The following THSD4 variants were observed in gnomAD, a reference collection of about 807,000 sequenced individuals.
THSD4 encodes thrombospondin type 1 domain containing 4.
In THSD4, 69 loss-of-function variants were observed where a neutral mutation model predicts 119.0. The ratio of observed to expected loss-of-function variants is 0.58; its 90% CI spans 0.48 to 0.71. THSD4 has a LOEUF of 0.71. Among genes scored for constraint, THSD4 ranks in the 30% least tolerant of loss-of-function variants. The pLI is 0.00. For synonymous variants in THSD4, 524 were observed against 540.4 expected (o/e 0.97, Z 0.42); for missense variants, 1,393 against 1,391.1 (o/e 1.00, Z -0.02).
chr15:71,757,905 T>G lies in THSD4; in HGVS notation c.2419T>G (p.Ser807Ala). ...WFLTEWSERC[S>A]AECGAGVRTR... Reference sequence around the variant, plus strand: ...GTGCCCTTCCCCTGTCTCACAGTGCTCAGCGGAGTGTGGGGCCGGAGTGCG... The same window carrying G: ...GTGCCCTTCCCCTGTCTCACAGTGCGCAGCGGAGTGTGGGGCCGGAGTGCG... Residue 807 changes from serine to alanine, a missense_variant, in exon 15 of 18, where the codon TCA (serine) becomes GCA (alanine). Physicochemically the swap from Ser to Ala is moderately conservative, Grantham distance 99. Coordinates refer to ENST00000261862, the MANE Select transcript of THSD4 (RefSeq NM_024817.3). The G allele has an allele frequency of 6.2e-7, 1 of 1,613,494 alleles. No individual in the cohort carries two copies. Among genetic ancestry groups the G allele is most frequent in the Non-Finnish European group, 8.5e-7 (1 of 1,180,008 alleles).
intron 6 of THSD4, among the ~76,000 whole-genome samples, chr15:71,298,706 G>C (rs1309486296): frequency 6.6e-6 from 1 of 150,386 alleles, no homozygotes; most frequent in Non-Finnish European, 1.5e-5. Context: ...TCTGCCTCCT[G>C]GGTTCAAGCA....
Position 71,377,894 on chromosome 15 carries a change from A to C in THSD4, c.1016-33793A>C, listed in dbSNP as rs1305777777. 1.0e-3 allele frequency among the ~76,000 whole-genome samples: 123 copies of C among 118,672 alleles called. 1 individual carries two copies. The highest frequency in any genetic ancestry group is 4.5e-3 in the African/African-American group (113 of 25,274). 77.9% of individuals were successfully genotyped at this position (118,672 alleles called of 152,430 possible). A position where few individuals can be genotyped will look rare whatever the true frequency, so the allele number is the denominator to read the frequency against. On this transcript the variant is annotated intron_variant, in intron 6 of 17. Transcript: ENST00000261862. ...CACACACACACACACACACACACACACACACACACACACACACACAATTTC... is the reference window on the plus strand; with the variant it reads ...CACACACACACACACACACACACACCCACACACACACACACACACAATTTC...
intron 1 of THSD4, among the ~76,000 whole-genome samples, chr15:71,130,010 A>G (rs2040489033): frequency 6.6e-6 from 1 of 152,086 alleles, no homozygotes; most frequent in East Asian, 1.9e-4. Context: ...AATATCCTGG[A>G]CTCAAGGGCG....
Position 71,242,894 on chromosome 15 carries a change from C to T in THSD4, c.710C>T (p.Ala237Val). Residue 237 changes from alanine (A) to valine (V), a missense_variant, in exon 5 of 18, where the codon GCT becomes GTT. Coordinates refer to ENST00000261862, the MANE Select transcript of THSD4 (RefSeq NM_024817.3). ...AGTGGCCCTCGCTCTGGACTGCAGG[C>T]TGCGGAGGCCCCCATCTACCAGCTA... ...SDSGPRSGLQ[A>V]AEAPIYQLPL... is the part of the protein sequence containing the mutation. 1 of 1,614,198 alleles carries T rather than the reference C, an allele frequency of 6.2e-7. No homozygotes were observed. Among genetic ancestry groups the T allele is most frequent in the Non-Finnish European group, 8.5e-7 (1 of 1,180,028 alleles).
chr15:71,358,473 C>T (rs781235786), intron 6 of THSD4, among the ~76,000 whole-genome samples: 3 of 152,190 alleles, frequency 2.0e-5, no homozygotes, highest in Non-Finnish European at 4.4e-5. Flanking sequence ...GACCTGTCCT[C>T]ATAGTGTGAC....
intron 7 of THSD4, among the ~76,000 whole-genome samples, chr15:71,414,077 C>A (rs1183499140): frequency 6.6e-6 from 1 of 152,186 alleles, no homozygotes; most frequent in Non-Finnish European, 1.5e-5. Context: ...AGTCGGATTG[C>A]CTGGGTTCAA....
intron 8 of THSD4, among the ~76,000 whole-genome samples, chr15:71,683,142 G>C (rs1293994500): frequency 6.6e-6 from 1 of 151,540 alleles, no homozygotes; most frequent in Non-Finnish European, 1.5e-5. Context: ...GGCTGGCCTC[G>C]AACTCCTGGA....
intron 11 of THSD4, among the ~76,000 whole-genome samples, chr15:71,744,488 G>C (rs1005515080): frequency 4.6e-5 from 7 of 152,070 alleles, no homozygotes; most frequent in Non-Finnish European, 1.0e-4. Flanking sequence ...CTTGCCAAAG[G>C]GGGAGGCAGC....
intron 16 of THSD4, among the ~76,000 whole-genome samples, chr15:71,766,105 G>A (rs1595930869): frequency 2.0e-5 from 3 of 152,238 alleles, no homozygotes; most frequent in African/African-American, 7.2e-5. Flanking sequence ...GGGAAATAGT[G>A]TGTAAATGAA....
intron 7 of THSD4, among the ~76,000 whole-genome samples, chr15:71,479,136 A>C (rs1232653789): frequency 8.1e-6 from 1 of 123,644 alleles, no homozygotes; most frequent in Non-Finnish European, 1.6e-5. Context: ...GTAAATGCTG[A>C]TCACTTGTTC....
At chr15:71,107,588 G>C (rs1296148506) in intron 1 of THSD4, among the ~76,000 whole-genome samples, 2 of 152,066 alleles carry the variant, frequency 1.3e-5, no homozygotes, top group Non-Finnish European at 2.9e-5. Context: ...TCACAGGACT[G>C]GGTCAGGAGA....
intron 7 of THSD4, among the ~76,000 whole-genome samples, chr15:71,485,045 A>G (rs1019155304): frequency 1.3e-5 from 2 of 152,062 alleles, no homozygotes; most frequent in African/African-American, 2.4e-5. Flanking sequence ...CCCTTTCCCC[A>G]GCTCCTCTAG....
chr15:71,630,363 A>G (rs1002924087), intron 7 of THSD4, among the ~76,000 whole-genome samples: 2 of 152,150 alleles, frequency 1.3e-5, no homozygotes, highest in Non-Finnish European at 1.5e-5. Flanking sequence ...AGGGCTCAGT[A>G]TACTCTGAAA....
intron 7 of THSD4, among the ~76,000 whole-genome samples, chr15:71,632,074 G>C (rs1046367901): frequency 6.6e-6 from 1 of 152,180 alleles, no homozygotes; most frequent in Non-Finnish European, 1.5e-5. Context: ...CTATCTTATA[G>C]AGCTGGCAGA....
intron 6 of THSD4, among the ~76,000 whole-genome samples, chr15:71,341,885 C>CAAAA (rs2140390747): frequency 6.6e-6 from 1 of 152,132 alleles, no homozygotes; most frequent in South Asian, 2.1e-4. Context: ...CCTTAATGCT[C>CAAAA]TAACGATTTT....
chr15:71,360,398 A>T (rs1353427292), intron 6 of THSD4, among the ~76,000 whole-genome samples: 2 of 152,152 alleles, frequency 1.3e-5, no homozygotes, highest in African/African-American at 4.8e-5. Flanking sequence ...ATTCAACACG[A>T]TGGGTTACTC....
intron 1 of THSD4, among the ~76,000 whole-genome samples, chr15:71,128,285 G>A (rs1173558210): frequency 6.6e-6 from 1 of 152,032 alleles, no homozygotes; most frequent in Non-Finnish European, 1.5e-5. Flanking sequence ...CCAGCACTTT[G>A]GGAGGCCGAG....
chr15:71,440,019 AT>A (rs2047068950), intron 7 of THSD4, among the ~76,000 whole-genome samples: 1 of 151,890 alleles, frequency 6.6e-6, no homozygotes, highest in Non-Finnish European at 1.5e-5. Flanking sequence ...TATAATAATA[AT>A]AAAAAAAGAA....
chr15:71,722,714 T>G (rs1428249319), intron 8 of THSD4, among the ~76,000 whole-genome samples: 1 of 152,188 alleles, frequency 6.6e-6, no homozygotes, highest in Non-Finnish European at 1.5e-5. Flanking sequence ...TAAAACAAAT[T>G]GTAAAGGGCA....
Sources: gnomAD v4.1 joint callset for allele counts (sites outside exome capture counted in the v4.1 genomes callset) on GRCh38, gnomAD v4.1.1 for gene constraint, MANE v1.5 for transcripts, NCBI Gene and HGNC (gene_info 2026-07-23, HGNC 2026-07-21) for gene names.